The following GRK4 variants were observed in gnomAD, a reference collection of about 807,000 sequenced individuals.
GRK4 encodes G protein-coupled receptor kinase 4.
A neutral mutation model predicts 77.9 loss-of-function variants in GRK4; 73 were observed. The observed-to-expected ratio is 0.94, with a 90% CI of 0.78 to 1.14. GRK4 has a LOEUF of 1.14. Among genes scored for constraint, GRK4 ranks in the 50% most tolerant of loss-of-function variants. The pLI is 0.00. For missense variants in GRK4, 729 were observed against 700.2 expected, an observed-to-expected ratio of 1.04 and a Z score of -0.46; for synonymous variants, 257 against 254.4, an observed-to-expected ratio of 1.01 and a Z score of -0.10.
chr4:2,988,723 C>G lies in GRK4; in HGVS notation c.149-4C>G. The G allele has an allele frequency of 6.5e-7, 1 of 1,545,908 alleles. No individual in the cohort carries two copies. The highest frequency in any genetic ancestry group is 1.4e-5 in the African/African-American group (1 of 73,506). On this transcript the variant is annotated splice_polypyrimidine_tract_variant and splice_region_variant and intron_variant, in intron 2 of 15. Coordinates refer to ENST00000398052, the MANE Select transcript of GRK4 (RefSeq NM_182982.3). ...TTTGCTTCTTATCCCTTTGCTTCACCCAGAAAAGGATTATAGCAGTCTTTG... is the reference window on the plus strand; with the variant it reads ...TTTGCTTCTTATCCCTTTGCTTCACGCAGAAAAGGATTATAGCAGTCTTTG...
intron 3 of GRK4, among the ~76,000 whole-genome samples, chr4:2,991,182 A>G (rs1416953903): frequency 6.6e-6 from 1 of 152,198 alleles, no homozygotes; most frequent in Non-Finnish European, 1.5e-5. Flanking sequence ...GGGGCATGGT[A>G]GGACTCTCCA....
intron 10 of GRK4, among the ~76,000 whole-genome samples, chr4:3,025,198 G>T (rs1737107722): frequency 6.7e-6 from 1 of 149,766 alleles, no homozygotes; most frequent in Non-Finnish European, 1.5e-5. Context: ...TTGAACCTGG[G>T]AGGCGGAGGT....
At chr4:3,040,493 T>A in intron 15 of GRK4, 79 bp from the exon 16 acceptor site, 1 of 1,165,268 alleles carries the variant, frequency 8.6e-7, no homozygotes, top group Non-Finnish European at 1.2e-6. Context: ...CCCAAAAGTT[T>A]GTAAATGGTT....
chr4:2,964,600 C>A (rs915386189), intron 1 of GRK4, among the ~76,000 whole-genome samples: 9 of 152,174 alleles, frequency 5.9e-5, no homozygotes, highest in African/African-American at 1.9e-4. Context: ...TTTAACATAG[C>A]TGCTTGGTTT....
chr4:3,030,153 G>A (rs1214365850), intron 12 of GRK4, among the ~76,000 whole-genome samples: 1 of 152,344 alleles, frequency 6.6e-6, no homozygotes, highest in East Asian at 1.9e-4. Flanking sequence ...GGCCTTCTGT[G>A]TGCCTGGCTC....
intron 8 of GRK4, among the ~76,000 whole-genome samples, chr4:3,017,475 A>G (rs1019348562): frequency 2.6e-4 from 40 of 152,222 alleles, no homozygotes; most frequent in Non-Finnish European, 5.3e-4. Flanking sequence ...GTGATAAAAG[A>G]TTCTCAATAT....
chr4:3,023,457 G>A (rs761021312), intron 10 of GRK4, among the ~76,000 whole-genome samples: 4 of 152,198 alleles, frequency 2.6e-5, no homozygotes, highest in Non-Finnish European at 5.9e-5. Context: ...CGTCTAAGGC[G>A]GAGATTGAGG....
chr4:3,019,884 C>G, intron 9 of GRK4, 53 bp downstream of exon 9: 1 of 1,518,232 alleles, frequency 6.6e-7, no homozygotes, highest in Non-Finnish European at 8.9e-7. Context: ...CGGTTTCTCC[C>G]AGCCCTAGGC....
chr4:3,016,532 C>CA (rs527985170), intron 8 of GRK4, among the ~76,000 whole-genome samples: 1,459 of 77,162 alleles, frequency 0.019, 31 homozygotes, highest in African/African-American at 0.05. Flanking sequence ...ACTCAATCTC[C>CA]AAAAAAAAAA....
At chr4:3,010,660 T>C (rs1732653902) in intron 7 of GRK4, among the ~76,000 whole-genome samples, 4 of 152,202 alleles carry the variant, frequency 2.6e-5, no homozygotes, top group South Asian at 4.1e-4. Context: ...AGTGATCATA[T>C]GGAGTTCAAG....
chr4:3,009,652 C>T lies in GRK4; in HGVS notation c.541C>T (p.Pro181Ser), dbSNP rs186623846. Residue 181 changes from proline (P) to serine (S), a missense_variant, in exon 7 of 16, where the codon CCC (proline) becomes TCC (serine). Transcript: ENST00000398052. ...FLQWKWLERQ[P>S]VTKNTFRHYR... ...CTTGTTTTTCTCATTGATTAGGCAACCCGTAACAAAGAACACATTTAGACA... is the reference window on the plus strand; with the variant it reads ...CTTGTTTTTCTCATTGATTAGGCAATCCGTAACAAAGAACACATTTAGACA... 1.2e-5 allele frequency: 20 copies of T among 1,612,884 alleles called. No individual in the cohort carries two copies. The South Asian group carries it at 2.1e-4, about 17-fold the overall frequency.
At chr4:3,008,510 G>A (rs74376608) in intron 6 of GRK4, among the ~76,000 whole-genome samples, 1 of 152,210 alleles carries the variant, frequency 6.6e-6, no homozygotes, top group African/African-American at 2.4e-5. Context: ...TGCTTAAAAA[G>A]TGTTAGCTGT....
intron 5 of GRK4, among the ~76,000 whole-genome samples, chr4:3,005,793 G>A (rs756576597): frequency 3.3e-5 from 5 of 151,846 alleles, no homozygotes; most frequent in African/African-American, 4.8e-5. Flanking sequence ...GCAACACAGC[G>A]AGACTCTGTC....
chr4:3,035,551 C>T (rs764703489), intron 13 of GRK4, 28 bp downstream of exon 13: 1 of 1,597,396 alleles, frequency 6.3e-7, no homozygotes, highest in Non-Finnish European at 8.5e-7. Flanking sequence ...ACGAGCAGGG[C>T]CCTAGGAACA....
chr4:2,980,468 A>G (rs1722557154), intron 1 of GRK4, among the ~76,000 whole-genome samples: 1 of 151,714 alleles, frequency 6.6e-6, no homozygotes, highest in Non-Finnish European at 1.5e-5. Context: ...GTACCTTTCT[A>G]TACAAGTTAT....
intron 7 of GRK4, 85 bp from the exon 8 acceptor site, chr4:3,013,603 G>T (rs1733551057): frequency 1.4e-6 from 2 of 1,468,204 alleles, no homozygotes; most frequent in Non-Finnish European, 1.8e-6. Flanking sequence ...GCCAGTGAGG[G>T]TCTCATCAAG....
chr4:3,039,698 TAAAA>T (rs10672202), intron 15 of GRK4, among the ~76,000 whole-genome samples: 7 of 115,218 alleles, frequency 6.1e-5, no homozygotes, highest in African/African-American at 1.7e-4. Flanking sequence ...AACTCTGTCT[TAAAA>T]AAAAAAAAAA....
intron 15 of GRK4, among the ~76,000 whole-genome samples, chr4:3,039,717 AG>A (rs1741871422): frequency 6.7e-6 from 1 of 148,360 alleles, no homozygotes; most frequent in African/African-American, 2.5e-5. Context: ...AAAAAAAAAA[AG>A]GAAAAAAAAA....
chr4:3,018,850 G>A (rs1344346438), intron 8 of GRK4, among the ~76,000 whole-genome samples: 6 of 152,202 alleles, frequency 3.9e-5, no homozygotes, highest in African/African-American at 1.4e-4. Context: ...CTGCACTCCA[G>A]CCTGGGCGAC....
Sources: allele counts gnomAD v4.1 joint callset (sites outside exome capture counted in the v4.1 genomes callset), GRCh38; gene constraint gnomAD v4.1.1; transcripts MANE v1.5; gene names NCBI Gene and HGNC (gene_info 2026-07-23, HGNC 2026-07-21).